The following NPLOC4 variants were observed in gnomAD, a reference collection of about 807,000 sequenced individuals.
The protein encoded by NPLOC4 is NPL4 homolog, ubiquitin recognition factor.
In NPLOC4, 18 loss-of-function variants were observed where a neutral mutation model predicts 80.6. The ratio of observed to expected loss-of-function variants is 0.22; its 90% CI spans 0.15 to 0.33. NPLOC4 has a LOEUF of 0.33. NPLOC4 is among the 10% of genes least tolerant of loss of function. NPLOC4 has a pLI of 1.00. For synonymous variants in NPLOC4, 313 were observed against 301.5 expected, an observed-to-expected ratio of 1.04 and a Z score of -0.39; for missense variants, 540 against 786.1, an observed-to-expected ratio of 0.69 and a Z score of 3.74.
intron 3 of NPLOC4, among the ~76,000 whole-genome samples, chr17:81,616,423 A>C (rs2035489889): frequency 6.6e-6 from 1 of 151,616 alleles, no homozygotes; most frequent in Non-Finnish European, 1.5e-5. Flanking sequence ...AGAACCAAAA[A>C]TCCAAATGTA....
Position 81,580,863 on chromosome 17 carries a change from C to T in NPLOC4, c.1281+8081G>A, listed in dbSNP as rs891516816. ...TCAGTGCTACCAAGGGCTTGGCCACCCAAACACAACAGCTCTCGCTCCCCG... is the reference window on the plus strand; with the variant it reads ...TCAGTGCTACCAAGGGCTTGGCCACTCAAACACAACAGCTCTCGCTCCCCG... On this transcript the variant is annotated intron_variant, in intron 12 of 16. Transcript: ENST00000331134. The surrounding 1 kb of genome is among the most constrained non-coding windows in gnomAD (Gnocchi z 4.4). Among the ~76,000 whole-genome samples the T allele has an allele frequency of 6.6e-6, 1 of 152,184 alleles. No individual in the cohort carries two copies. Among genetic ancestry groups the T allele is most frequent in the Non-Finnish European group, 1.5e-5 (1 of 68,040 alleles).
chr17:81,607,845 G>A (rs1186958118), intron 6 of NPLOC4, among the ~76,000 whole-genome samples: 1 of 152,188 alleles, frequency 6.6e-6, no homozygotes, highest in Non-Finnish European at 1.5e-5. Flanking sequence ...GATGTCAGCA[G>A]GTTGTCAGAG....
At chr17:81,613,175 G>A in intron 4 of NPLOC4, 143 bp downstream of exon 4, 2 of 626,670 alleles carry the variant, frequency 3.2e-6, no homozygotes, top group South Asian at 5.0e-5. Flanking sequence ...ATAACTTGAA[G>A]TTTAATCTGA....
chr17:81,560,262 AAT>A (rs1343562564), intron 16 of NPLOC4, among the ~76,000 whole-genome samples: 3 of 151,760 alleles, frequency 2.0e-5, no homozygotes, highest in African/African-American at 4.8e-5. Flanking sequence ...TACTAAAAAT[AAT>A]TAGCCAGGCG....
rs143888606 is a variant in NPLOC4 at position 81,616,166 on chromosome 17, A to T, written c.210-2672T>A. 5.7e-3 allele frequency among the ~76,000 whole-genome samples: 868 copies of T among 151,712 alleles called. 12 individuals are homozygous for T. Among genetic ancestry groups the T allele is most frequent in the African/African-American group, 0.02 (807 of 41,368 alleles). Reference sequence around the variant, plus strand: ...ACCTCGTCTCTGCTAAAAATAAAAAAAAAAATTAGCCGGGGGTGGTGGCGG... The same window carrying T: ...ACCTCGTCTCTGCTAAAAATAAAAATAAAAATTAGCCGGGGGTGGTGGCGG... On this transcript the variant is annotated intron_variant, in intron 3 of 16. Coordinates refer to ENST00000331134, the MANE Select transcript of NPLOC4 (RefSeq NM_017921.4).
chr17:81,627,888 A>G (rs1208668156), intron 2 of NPLOC4, among the ~76,000 whole-genome samples: 2 of 152,042 alleles, frequency 1.3e-5, no homozygotes, highest in Non-Finnish European at 2.9e-5. Flanking sequence ...CTGAGCCGAG[A>G]TCACGCCACC....
At chr17:81,614,685 C>T (rs990475929) in intron 3 of NPLOC4, among the ~76,000 whole-genome samples, 11 of 151,834 alleles carry the variant, frequency 7.2e-5, no homozygotes, top group East Asian at 3.9e-4. Flanking sequence ...GTCAGAGTCA[C>T]GCTGCCAACT....
intron 3 of NPLOC4, among the ~76,000 whole-genome samples, chr17:81,614,847 AG>A (rs2035437344): frequency 1.3e-5 from 2 of 152,180 alleles, no homozygotes; most frequent in African/African-American, 4.8e-5. Context: ...GAAAGGCTGC[AG>A]CATGTCCTCT....
intron 5 of NPLOC4, 190 bp from the exon 6 acceptor site, chr17:81,609,012 T>G (rs2035276629): frequency 4.0e-6 from 2 of 495,480 alleles, no homozygotes; most frequent in Admixed American, 7.0e-5. Context: ...TAATTAATTG[T>G]TTTTTGTTTG....
chr17:81,636,360 G>C (rs758001843), intron 1 of NPLOC4: 1 of 152,304 alleles, frequency 6.6e-6, no homozygotes, highest in Non-Finnish European at 1.5e-5. Flanking sequence ...TTCCAAGTAA[G>C]GAGCAAAGCC....
chr17:81,622,504 T>C (rs2144298793), intron 2 of NPLOC4, among the ~76,000 whole-genome samples: 1 of 152,364 alleles, frequency 6.6e-6, no homozygotes, highest in East Asian at 1.9e-4. Flanking sequence ...TTGTCAATGA[T>C]GAAACTTTGT....
intron 16 of NPLOC4, among the ~76,000 whole-genome samples, chr17:81,559,921 A>T (rs1000535340): frequency 2.0e-4 from 30 of 151,030 alleles, no homozygotes; most frequent in African/African-American, 7.3e-4. Flanking sequence ...TTTTGGTAGA[A>T]CTAGGGTTTC....
Position 81,613,411 on chromosome 17 carries a change from T to G in NPLOC4, c.293A>C (p.Lys98Thr), listed in dbSNP as rs201948322. The G allele has an allele frequency of 1.2e-6, 2 of 1,613,836 alleles. No homozygotes were observed. Among genetic ancestry groups the G allele is most frequent in the African/African-American group, 1.3e-5 (1 of 74,894 alleles). ...CACCACGTTGGGAGCGCCAAAGACT[T>G]TGAAGCCCGGTGGAACTGACGTCTC... ...EMETSVPPGF[K>T]VFGAPNVVED... is the part of the protein sequence containing the mutation. Residue 98 changes from lysine (K) to threonine (T), a missense_variant, in exon 4 of 17, where the codon AAA becomes ACA. Lys to Thr is a moderately conservative substitution (Grantham distance 78). Transcript: ENST00000331134.
intron 11 of NPLOC4, among the ~76,000 whole-genome samples, chr17:81,593,533 T>G (rs1421144591): frequency 6.6e-6 from 1 of 152,074 alleles, no homozygotes; most frequent in Non-Finnish European, 1.5e-5. Context: ...GCAGCCTACA[T>G]TAACTATGTT....
chr17:81,611,522 G>A (rs979680428), intron 4 of NPLOC4, among the ~76,000 whole-genome samples: 8 of 150,314 alleles, frequency 5.3e-5, no homozygotes, highest in Non-Finnish European at 8.9e-5. Flanking sequence ...GCTAATTTTT[G>A]TATTTTTAGT....
At chr17:81,622,363 A>T in intron 2 of NPLOC4, 85 bp from the exon 3 acceptor site, 2 of 982,508 alleles carry the variant, frequency 2.0e-6, no homozygotes, top group South Asian at 2.8e-5. Context: ...CTACTAGAAG[A>T]GTATTCACCA....
rs559820284 is a variant in NPLOC4 at position 81,610,215 on chromosome 17, G to A, written c.430C>T (p.Leu144=). Residue 144 remains leucine, a synonymous_variant, in exon 5 of 17, where the codon CTA becomes TTA. Transcript: ENST00000331134. ...TACTCCGCAGAGACTCTCACCTCTA[G>A]AGGGACGCAGTGCACGCATTTCCCC... ...PLGKCVHCVP[L]EPFDEDYLNH... The A allele has an allele frequency of 1.9e-6, 3 of 1,573,102 alleles. No individual in the cohort carries two copies. Among genetic ancestry groups the A allele is most frequent in the Non-Finnish European group, 2.6e-6 (3 of 1,159,850 alleles).
rs2035152631 is a variant in NPLOC4 at position 81,604,723 on chromosome 17, T to A, written c.659A>T (p.Tyr220Phe). 1 of 1,612,052 alleles carries A rather than the reference T, an allele frequency of 6.2e-7. No individual in the cohort carries two copies. Among genetic ancestry groups the A allele is most frequent in the African/African-American group, 1.3e-5 (1 of 74,916 alleles). The change falls in exon 8 of 17, where the codon TAC (tyrosine) becomes TTC (phenylalanine). Residue 220 changes from tyrosine to phenylalanine, a missense_variant. Transcript: ENST00000331134. ...AAACATGATATTGTCCACATGCCTG[T>A]ACTTCTGTAGAGTTAACAAGAGTGG... ...PSAITLNRQK[Y>F]RHVDNIMFEN... is the part of the protein sequence containing the mutation.
intron 12 of NPLOC4, among the ~76,000 whole-genome samples, chr17:81,576,312 C>A (rs2034299666): frequency 6.6e-6 from 1 of 152,224 alleles, no homozygotes; most frequent in African/African-American, 2.4e-5. Flanking sequence ...TTGGCCGTTG[C>A]ACAACGCGGG....
Sources: allele counts gnomAD v4.1 joint callset (sites outside exome capture counted in the v4.1 genomes callset), GRCh38; gene constraint gnomAD v4.1.1; non-coding constraint Gnocchi (gnomAD v3.1); transcripts MANE v1.5; gene names NCBI Gene and HGNC (gene_info 2026-07-23, HGNC 2026-07-21).